Variants in PPP4R4 observed in about 807,000 individuals in gnomAD.
PPP4R4 encodes protein phosphatase 4 regulatory subunit 4, also known as serine/threonine-protein phosphatase 4 regulatory subunit 4.
PPP4R4 carries 70 observed loss-of-function variants against 121.8 expected under a neutral mutation model. That is an observed-to-expected ratio of 0.57 (90% confidence interval 0.47 to 0.70). The LOEUF is 0.70. Ranked by LOEUF, PPP4R4 falls within the 30% of genes least tolerant of loss-of-function variation. PPP4R4 has a pLI of 0.00. For synonymous variants in PPP4R4, 348 were observed against 355.7 expected (o/e 0.98, Z 0.24); for missense variants, 875 against 1,033.6 (o/e 0.85, Z 2.10).
Position 94,220,169 on chromosome 14 carries a change from C to T in PPP4R4, c.295-10418C>T, listed in dbSNP as rs1324751840. Among the ~76,000 whole-genome samples the T allele has an allele frequency of 3.9e-5, 6 of 152,168 alleles. No homozygotes were observed. In the East Asian group the frequency reaches 7.7e-4, roughly 20 times the overall value. ...CCTGGGAGGCAGAGTTGCAGTGAGC[C>T]GAGATTGTGCCACTGTATTCCAGCT... On this transcript the variant is annotated intron_variant, in intron 3 of 24. Transcript: ENST00000304338.
At chr14:94,260,863 T>C (rs2139630443) in intron 19 of PPP4R4, among the ~76,000 whole-genome samples, 1 of 152,264 alleles carries the variant, frequency 6.6e-6, no homozygotes, top group African/African-American at 2.4e-5. Context: ...AATTCTTTTT[T>C]GTTCCAAGAA....
intron 3 of PPP4R4, among the ~76,000 whole-genome samples, chr14:94,218,789 C>T (rs573456047): frequency 6.6e-6 from 1 of 151,950 alleles, no homozygotes; most frequent in African/African-American, 2.4e-5. Context: ...TCATAAACTG[C>T]TGAAAATAAA....
chr14:94,245,330 G>A (rs1414912538), intron 12 of PPP4R4, among the ~76,000 whole-genome samples: 1 of 152,152 alleles, frequency 6.6e-6, no homozygotes, highest in East Asian at 1.9e-4. Context: ...TGTAGAAGTA[G>A]CTGTCTCAGA....
chr14:94,199,803 C>T lies in PPP4R4; in HGVS notation c.192-8661C>T, dbSNP rs560881662. Among the ~76,000 whole-genome samples, 13 of 152,296 alleles carry T rather than the reference C, an allele frequency of 8.5e-5. 1 individual carries two copies. In the South Asian group the frequency reaches 2.7e-3, roughly 32 times the overall value. On this transcript the variant is annotated intron_variant, in intron 2 of 24. Coordinates refer to ENST00000304338, the MANE Select transcript of PPP4R4 (RefSeq NM_058237.2). ...TATTGTGCTCTTATGCGGATGCGCT[C>T]CTCTTGACGGCCTCTTAACATCTAG...
rs149950607 is a variant in PPP4R4 at position 94,250,203 on chromosome 14, G to A, written c.1643G>A (p.Arg548Gln). 5.0e-6 allele frequency: 8 copies of A among 1,612,370 alleles called. No individual in the cohort carries two copies. The highest frequency in any genetic ancestry group is 2.2e-5 in the South Asian group (2 of 90,976). The change falls in exon 15 of 25, where the codon CGA becomes CAA. Residue 548 changes from arginine (R) to glutamine (Q), a missense_variant. Coordinates refer to ENST00000304338, the MANE Select transcript of PPP4R4 (RefSeq NM_058237.2). The stretch of plus-strand genomic sequence containing the variant: ...TTACCTGTCCAAAAGGCGGCTTCAC[G>A]AACTCTATGCATTTTTCTGCGTTAT... Reference protein sequence around the residue: ...NVLPVQKAASRTLCIFLRYNR... With the variant: ...NVLPVQKAASQTLCIFLRYNR...
intron 6 of PPP4R4, among the ~76,000 whole-genome samples, chr14:94,234,034 G>A (rs1892195955): frequency 6.6e-6 from 1 of 152,090 alleles, no homozygotes; most frequent in Non-Finnish European, 1.5e-5. Flanking sequence ...GGATAAAATA[G>A]CGTTATCTTA....
rs141913976 is a variant in PPP4R4 at position 94,241,869 on chromosome 14, G to C, written c.1058G>C (p.Gly353Ala). The change falls in exon 10 of 25, where the codon GGA (glycine) becomes GCA (alanine). Residue 353 changes from glycine (G) to alanine (A), a missense_variant. Gly to Ala is a moderately conservative substitution (Grantham distance 60). Transcript: ENST00000304338. ...LCTLGLQQENGHNENQIPPQI... is the reference protein window; with the variant it reads ...LCTLGLQQENAHNENQIPPQI... ...ACATTGGGTTTGCAACAAGAAAATG[G>C]ACACAATGAAAACCAGATTCCACCC... The C allele has an allele frequency of 1.2e-6, 2 of 1,609,718 alleles. No individual in the cohort carries two copies. The highest frequency in any genetic ancestry group is 2.7e-5 in the African/African-American group (2 of 74,754).
intron 2 of PPP4R4, among the ~76,000 whole-genome samples, chr14:94,197,658 A>C (rs1339209281): frequency 6.6e-6 from 1 of 152,158 alleles, no homozygotes; most frequent in Non-Finnish European, 1.5e-5. Context: ...CACCATGATC[A>C]AGATAATAAG....
chr14:94,229,702 C>CTT (rs35242111), intron 3 of PPP4R4, among the ~76,000 whole-genome samples: 82,698 of 151,798 alleles, frequency 0.54, 25,107 homozygotes, highest in African/African-American at 0.82. Context: ...TGATATGAAA[C>CTT]TATTTTATGA....
chr14:94,195,748 G>A (rs1005849198), intron 2 of PPP4R4, among the ~76,000 whole-genome samples: 1 of 151,838 alleles, frequency 6.6e-6, no homozygotes, highest in East Asian at 1.9e-4. Flanking sequence ...AGAACCACTA[G>A]CTAACCCAGT....
At chr14:94,176,269 C>CCTG in intron 2 of PPP4R4, 142 bp downstream of exon 2, 1 of 622,148 alleles carries the variant, frequency 1.6e-6, no homozygotes, top group South Asian at 2.2e-5. Context: ...TAGTACTTAA[C>CCTG]TATATTATAA....
chr14:94,214,863 G>A (rs1393131997), intron 3 of PPP4R4, among the ~76,000 whole-genome samples: 2 of 152,110 alleles, frequency 1.3e-5, no homozygotes, highest in Non-Finnish European at 2.9e-5. Context: ...ATGCGATGAG[G>A]TGCAGTTAAA....
At chr14:94,222,873 T>G (rs954850213) in intron 3 of PPP4R4, among the ~76,000 whole-genome samples, 4 of 152,106 alleles carry the variant, frequency 2.6e-5, no homozygotes, top group Non-Finnish European at 4.4e-5. Flanking sequence ...GACTCCAATT[T>G]TATGTATATT....
chr14:94,212,832 C>T (rs544748060), intron 3 of PPP4R4, among the ~76,000 whole-genome samples: 2 of 152,000 alleles, frequency 1.3e-5, no homozygotes, highest in Non-Finnish European at 2.9e-5. Flanking sequence ...AGAATAATAG[C>T]GATATAATTA....
intron 2 of PPP4R4, among the ~76,000 whole-genome samples, chr14:94,203,480 T>C (rs1391672235): frequency 1.3e-5 from 2 of 152,226 alleles, no homozygotes; most frequent in African/African-American, 2.4e-5. Flanking sequence ...TCATATCTTT[T>C]TTTTGTTGTT....
At chr14:94,272,581 G>A (rs557737712) in intron 23 of PPP4R4, among the ~76,000 whole-genome samples, 42 of 143,844 alleles carry the variant, frequency 2.9e-4, no homozygotes, top group African/African-American at 1.1e-3. Context: ...AAATCTAGAT[G>A]ACCCTGCTTA....
In PPP4R4 at chr14:94,176,096, A is replaced by G. The variant is rs752734574; in HGVS notation, c.160A>G (p.Ser54Gly). Residue 54 changes from serine (S) to glycine (G), a missense_variant, in exon 2 of 25, where the codon AGT (serine) becomes GGT (glycine). Physicochemically the swap from Ser to Gly is moderately conservative, Grantham distance 56. Transcript: ENST00000304338. ...IERLTVDEDL[S>G]DIERAVYLLS... The stretch of plus-strand genomic sequence containing the variant: ...AAGATTGACAGTCGATGAAGACCTC[A>G]GTGATATTGAAAGGGCTGTTTATCT... 3.1e-6 allele frequency: 5 copies of G among 1,612,950 alleles called. No individual in the cohort carries two copies. The highest frequency in any genetic ancestry group is 4.2e-6 in the Non-Finnish European group (5 of 1,178,896).
At chr14:94,214,575 A>T (rs28517526) in intron 3 of PPP4R4, among the ~76,000 whole-genome samples, 55,372 of 151,546 alleles carry the variant, frequency 0.37, 11,862 homozygotes, top group East Asian at 0.62. Flanking sequence ...TAATATGATT[A>T]TTTATTATAG....
chr14:94,256,764 A>G (rs1192137848), intron 17 of PPP4R4, among the ~76,000 whole-genome samples, 160 bp downstream of exon 17: 1 of 152,208 alleles, frequency 6.6e-6, no homozygotes, highest in Non-Finnish European at 1.5e-5. Context: ...ATGTGCTACA[A>G]CTGGATATGA....
Sources: allele counts gnomAD v4.1 joint callset (sites outside exome capture counted in the v4.1 genomes callset), GRCh38; gene constraint gnomAD v4.1.1; transcripts MANE v1.5; gene names NCBI Gene and HGNC (gene_info 2026-07-23, HGNC 2026-07-21).